ZNF214: variants seen among roughly 807,000 people sequenced by gnomAD.
ZNF214 encodes zinc finger protein 214, also known as BWSCR2-associated zinc finger protein 1.
In ZNF214, 43 loss-of-function variants were observed where a neutral mutation model predicts 53.9. The observed-to-expected ratio is 0.80, with a 90% CI of 0.63 to 1.03. The LOEUF is 1.03. ZNF214 is among the 50% of genes least tolerant of loss of function. The pLI is 0.00. For synonymous variants in ZNF214, 217 were observed against 229.5 expected (o/e 0.95, Z 0.49); for missense variants, 724 against 719.1 (o/e 1.01, Z -0.08).
In ZNF214 at chr11:7,000,200, C is replaced by T; in HGVS notation, c.1483G>A (p.Glu495Lys). ...LHTHQRVHTG[E>K]KPYKCEECGK... ...CACTCTTCACATTTGTAGGGTTTCT[C>T]TCCAGTATGTACTCTTTGATGAGTG... is the stretch of plus-strand genomic sequence containing the variant. Residue 495 changes from glutamate (E) to lysine (K), a missense_variant, in exon 3 of 3, where the codon GAG (glutamate) becomes AAG (lysine). Coordinates refer to ENST00000278314, the MANE Select transcript of ZNF214 (RefSeq NM_013249.4). 6.2e-7 allele frequency: 1 copy of T among 1,613,324 alleles called. No homozygotes were observed. The highest frequency in any genetic ancestry group is 2.2e-5 in the East Asian group (1 of 44,834).
intron 1 of ZNF214, among the ~76,000 whole-genome samples, chr11:7,008,466 G>A (rs370275641): frequency 2.0e-4 from 31 of 151,826 alleles, no homozygotes; most frequent in African/African-American, 7.3e-4. Flanking sequence ...AAAAACCCCA[G>A]CTAGACTAAC....
chr11:7,000,715 C>A lies in ZNF214; in HGVS notation c.968G>T (p.Arg323Ile). 6.2e-7 allele frequency: 1 copy of A among 1,609,878 alleles called. No individual in the cohort carries two copies. Among genetic ancestry groups the A allele is most frequent in the Non-Finnish European group, 8.5e-7 (1 of 1,178,848 alleles). The stretch of plus-strand genomic sequence containing the variant: ...ATAGAATTTCTCTTCTGTGTGGACT[C>A]TTTGATGATTGTGAAGACTAGAGAT... Reference protein sequence around the residue: ...SQISSLHNHQRVHTEEKFYKI... With the variant: ...SQISSLHNHQIVHTEEKFYKI... The change falls in exon 3 of 3, where the codon AGA becomes ATA. Residue 323 changes from arginine (R) to isoleucine (I), a missense_variant. By Grantham distance (97) the Arg-to-Ile change is moderately conservative (BLOSUM62 -3). Coordinates refer to ENST00000278314, the MANE Select transcript of ZNF214 (RefSeq NM_013249.4).
intron 1 of ZNF214, among the ~76,000 whole-genome samples, chr11:7,008,948 A>G (rs969192874): frequency 1.3e-5 from 2 of 152,186 alleles, no homozygotes; most frequent in East Asian, 1.9e-4. Flanking sequence ...ACATAAACAA[A>G]TGGAAAAACA....
At chr11:7,001,753 C>G (rs1304611391) in intron 2 of ZNF214, among the ~76,000 whole-genome samples, 198 bp from the exon 3 acceptor site, 2 of 151,948 alleles carry the variant, frequency 1.3e-5, no homozygotes, top group Admixed American at 6.6e-5. Flanking sequence ...CATTCATTCA[C>G]TTATTTATTC....
chr11:7,007,455 A>T (rs1257918150), intron 1 of ZNF214, among the ~76,000 whole-genome samples: 1 of 151,762 alleles, frequency 6.6e-6, no homozygotes, highest in African/African-American at 2.4e-5. Context: ...ATAAAAAAAG[A>T]TTGCAAAAAT....
intron 1 of ZNF214, among the ~76,000 whole-genome samples, chr11:7,014,813 AAAAAAAC>A (rs1358338744): frequency 1.2e-4 from 18 of 148,722 alleles, no homozygotes; most frequent in Non-Finnish European, 2.5e-4. Context: ...ACAAAAAAAA[AAAAAAAC>A]AAAAAAAAAA....
intron 1 of ZNF214, among the ~76,000 whole-genome samples, chr11:7,004,393 A>G (rs1851427438): frequency 1.0e-5 from 1 of 98,550 alleles, no homozygotes; most frequent in Non-Finnish European, 2.4e-5. Context: ...TACATAGTGT[A>G]CAACTTCCCA....
intron 1 of ZNF214, among the ~76,000 whole-genome samples, 171 bp downstream of exon 1, chr11:7,019,902 G>A (rs570090512): frequency 1.3e-5 from 2 of 152,208 alleles, no homozygotes; most frequent in East Asian, 3.9e-4. Context: ...GGTTCTCTAG[G>A]AGCGGGATCT....
intron 1 of ZNF214, among the ~76,000 whole-genome samples, chr11:7,010,639 A>T (rs1056396780): frequency 6.3e-4 from 14 of 22,202 alleles, no homozygotes; most frequent in African/African-American, 1.4e-3. Flanking sequence ...TCCCCCATTA[A>T]AAAAAAAAAA....
rs1196216593 is a variant in ZNF214 at position 7,011,408 on chromosome 11, A to G, written c.-20-8553T>C. Among the ~76,000 whole-genome samples, 8 of 152,238 alleles carry G rather than the reference A, an allele frequency of 5.3e-5. No individual in the cohort carries two copies. In the East Asian group the frequency reaches 7.7e-4, roughly 15 times the overall value. On this transcript the variant is annotated intron_variant, in intron 1 of 2. Coordinates refer to ENST00000278314, the MANE Select transcript of ZNF214 (RefSeq NM_013249.4). Reference sequence around the variant, plus strand: ...ACACAATTCACTATATTAATAGACTATAGAATAAATCCATGATAATCTCAA... The same window carrying G: ...ACACAATTCACTATATTAATAGACTGTAGAATAAATCCATGATAATCTCAA...
In ZNF214 at chr11:7,010,005, G is replaced by A. The variant is rs531980609; in HGVS notation, c.-20-7150C>T. 2.4e-4 allele frequency among the ~76,000 whole-genome samples: 36 copies of A among 152,124 alleles called. 1 individual carries two copies. The highest frequency in any genetic ancestry group is 7.7e-4 in the African/African-American group (32 of 41,536). ...AATTAGTTCAGTCATTGTGGAAAGC[G>A]GTGTGGTGATTTCTCAAAGAACTTA... On this transcript the variant is annotated intron_variant, in intron 1 of 2. Transcript: ENST00000278314.
Position 7,000,986 on chromosome 11 carries a change from G to A in ZNF214, c.697C>T (p.Arg233Trp), listed in dbSNP as rs191766009. 4.4e-5 allele frequency: 71 copies of A among 1,612,934 alleles called. No homozygotes were observed. The highest frequency in any genetic ancestry group is 2.8e-4 in the Admixed American group (17 of 59,868). Reference sequence around the variant, plus strand: ...TGATTTCTCTTGTGGAAAACACACCGTGAGTTCCAATAATAAATTCCTTTA... The same window carrying A: ...TGATTTCTCTTGTGGAAAACACACCATGAGTTCCAATAATAAATTCCTTTA... Reference protein sequence around the residue: ...KCKGIYYWNSRCVFHKRNQPG... With the variant: ...KCKGIYYWNSWCVFHKRNQPG... Residue 233 changes from arginine (R) to tryptophan (W), a missense_variant, in exon 3 of 3, where the codon CGG becomes TGG. Arg to Trp is a moderately radical substitution (Grantham distance 101). Transcript: ENST00000278314.
At chr11:7,002,913 A>T (rs551885519) in intron 1 of ZNF214, 58 bp from the exon 2 acceptor site, 2 of 1,461,568 alleles carry the variant, frequency 1.4e-6, no homozygotes, top group South Asian at 3.1e-5. Context: ...TTAGCAGATA[A>T]GATATGTGGC....
rs1322826497 is a variant in ZNF214, at chr11:7,003,688, G to A, written c.-20-833C>T. ...TTGTCAGTTGAGATTTCCATATACTGTCATAATGTGTTAATGAAGAAGGGC... is the reference window on the plus strand; with the variant it reads ...TTGTCAGTTGAGATTTCCATATACTATCATAATGTGTTAATGAAGAAGGGC... On this transcript the variant is annotated intron_variant, in intron 1 of 2. Coordinates refer to ENST00000278314, the MANE Select transcript of ZNF214 (RefSeq NM_013249.4). 2.0e-5 allele frequency among the ~76,000 whole-genome samples: 3 copies of A among 151,886 alleles called. No homozygotes were observed. The East Asian group carries it at 5.8e-4, about 29-fold the overall frequency.
At chr11:7,010,960 AAAT>A (rs945308205) in intron 1 of ZNF214, among the ~76,000 whole-genome samples, 14 of 100,508 alleles carry the variant, frequency 1.4e-4, no homozygotes, top group Non-Finnish European at 1.9e-4. Flanking sequence ...AGTATAAAAA[AAAT>A]AAAATGGCAA....
chr11:7,007,975 C>CT (rs1424993691), intron 1 of ZNF214, among the ~76,000 whole-genome samples: 2 of 152,090 alleles, frequency 1.3e-5, no homozygotes, highest in Non-Finnish European at 2.9e-5. Context: ...AAAGTCCACA[C>CT]TTCTGAAACC....
intron 2 of ZNF214, 51 bp from the exon 3 acceptor site, chr11:7,001,606 A>G (rs745794284): frequency 6.6e-6 from 10 of 1,522,504 alleles, no homozygotes; most frequent in Admixed American, 2.1e-5. Context: ...TGTGTTGAAA[A>G]ATTTCCAACT....
At chr11:7,013,379 G>T (rs116443636) in intron 1 of ZNF214, among the ~76,000 whole-genome samples, 13 of 152,308 alleles carry the variant, frequency 8.5e-5, no homozygotes, top group South Asian at 2.1e-4. Flanking sequence ...CTGAGGCAGG[G>T]TTTGCATAAT....
intron 1 of ZNF214, among the ~76,000 whole-genome samples, chr11:7,016,604 TGAGAA>T (rs1243475917): frequency 7.9e-5 from 12 of 152,298 alleles, no homozygotes; most frequent in African/African-American, 2.9e-4. Context: ...GTGTAAGAAT[TGAGAA>T]GAGGCTCCAC....
Sources: allele counts gnomAD v4.1 joint callset (sites outside exome capture counted in the v4.1 genomes callset), GRCh38; gene constraint gnomAD v4.1.1; transcripts MANE v1.5; gene names NCBI Gene and HGNC (gene_info 2026-07-23, HGNC 2026-07-21).